Variants in VWA8 observed in about 807,000 individuals in gnomAD.
The protein encoded by VWA8 is von Willebrand factor A domain-containing protein 8.
In VWA8, 221 loss-of-function variants were observed where a neutral mutation model predicts 241.5. The ratio of observed to expected loss-of-function variants is 0.91; its 90% CI spans 0.82 to 1.02. The LOEUF (loss-of-function observed/expected upper bound fraction) is 1.02. VWA8 is among the 50% of genes least tolerant of loss of function. The probability of loss-of-function intolerance (pLI) is 0.00; values close to 1 mark genes in which losing one functional copy is unlikely to be tolerated. For missense variants in VWA8, 2,322 were observed against 2,328.7 expected, an observed-to-expected ratio of 1.00 and a Z score of 0.06; for synonymous variants, 852 against 827.1, an observed-to-expected ratio of 1.03 and a Z score of -0.52.
intron 26 of VWA8, among the ~76,000 whole-genome samples, chr13:41,717,075 T>C (rs1171361417): frequency 6.6e-6 from 1 of 151,872 alleles, no homozygotes; most frequent in Non-Finnish European, 1.5e-5. Flanking sequence ...TATATTAAAA[T>C]TCAAAGGATG....
intron 17 of VWA8, among the ~76,000 whole-genome samples, chr13:41,794,092 T>C (rs933629479): frequency 6.6e-6 from 1 of 152,112 alleles, no homozygotes; most frequent in Non-Finnish European, 1.5e-5. Flanking sequence ...CAGCTTTTTT[T>C]TTTCTTAAGA....
At chr13:41,788,966 G>A (rs929485624) in intron 17 of VWA8, among the ~76,000 whole-genome samples, 2 of 152,146 alleles carry the variant, frequency 1.3e-5, no homozygotes, top group African/African-American at 2.4e-5. Context: ...AATATGGCAC[G>A]GATGCCTTCC....
intron 28 of VWA8, among the ~76,000 whole-genome samples, chr13:41,700,873 T>G (rs1245434477): frequency 6.6e-6 from 1 of 152,220 alleles, no homozygotes; most frequent in African/African-American, 2.4e-5. Flanking sequence ...CCTTAGTAAC[T>G]GACAGCAGTT....
intron 41 of VWA8, among the ~76,000 whole-genome samples, chr13:41,590,229 C>G (rs189149557): frequency 7.6e-4 from 116 of 152,250 alleles, no homozygotes; most frequent in Admixed American, 1.2e-3. Flanking sequence ...GGCCACCACT[C>G]CATCAACCAC....
At position 41,567,446 on chromosome 13, in the gene VWA8, TAGA is replaced by T. The variant is rs2044268529; in HGVS notation, c.*748_*750del. On this transcript the variant is annotated 3_prime_UTR_variant, in exon 45 of 45. Coordinates refer to ENST00000379310, the MANE Select transcript of VWA8 (RefSeq NM_015058.2). Reference sequence around the variant, plus strand: ...GTACTGTGAATTTTTTGAGAGATGCTAGAAGAACAGAAGAAACAGTAAACTTTT... The same window carrying T: ...GTACTGTGAATTTTTTGAGAGATGCTAGAACAGAAGAAACAGTAAACTTTT... 6.6e-6 allele frequency: 1 copy of T among 152,194 alleles called. No individual in the cohort carries two copies. Among genetic ancestry groups the T allele is most frequent in the African/African-American group, 2.4e-5 (1 of 41,442 alleles). The allele number at this position is 152,194 out of a possible 1,614,324, so 9.4% of individuals were successfully genotyped here. A position where few individuals can be genotyped will look rare whatever the true frequency, so the allele number is the denominator to read the frequency against.
At chr13:41,634,723 C>T (rs867800605) in intron 37 of VWA8, among the ~76,000 whole-genome samples, 29 of 150,086 alleles carry the variant, frequency 1.9e-4, no homozygotes, top group African/African-American at 7.1e-4. Flanking sequence ...AAAAAACAGA[C>T]TAAATTATTT....
rs753050136 is a variant in VWA8 at position 41,887,344 on chromosome 13, C to A, written c.669G>T (p.Glu223Asp). 1.2e-6 allele frequency: 2 copies of A among 1,612,236 alleles called. No homozygotes were observed. Among genetic ancestry groups the A allele is most frequent in the African/African-American group, 2.7e-5 (2 of 74,690 alleles). ...DKLLRDHTKK[E>D]LDSWKIVRVS... is the part of the protein sequence containing the mutation. Reference sequence around the variant, plus strand: ...CTCGGACAATTTTCCAAGAATCCAACTCTTTTTTGGTATGATCCTATAAAA... The same window carrying A: ...CTCGGACAATTTTCCAAGAATCCAAATCTTTTTTGGTATGATCCTATAAAA... The change falls in exon 6 of 45, where the codon GAG becomes GAT. Residue 223 changes from glutamate (E) to aspartate (D), a missense_variant. Transcript: ENST00000379310.
At chr13:41,879,229 G>T (rs898946931) in intron 9 of VWA8, among the ~76,000 whole-genome samples, 19 of 152,128 alleles carry the variant, frequency 1.2e-4, no homozygotes, top group African/African-American at 4.3e-4. Context: ...GAACTATATT[G>T]TCAGAAGATG....
At chr13:41,791,053 ATGTT>A (rs1869436112) in intron 17 of VWA8, among the ~76,000 whole-genome samples, 1 of 151,926 alleles carries the variant, frequency 6.6e-6, no homozygotes, top group Non-Finnish European at 1.5e-5. Context: ...AGTTATATCA[ATGTT>A]TGTTTTAAAA....
rs762166688 is a variant in VWA8, at chr13:41,615,050, C to A, written c.4646G>T (p.Ser1549Ile). The A allele has an allele frequency of 5.0e-6, 8 of 1,613,840 alleles. No individual in the cohort carries two copies. In the South Asian group the frequency reaches 8.8e-5, roughly 18 times the overall value. Reference protein sequence around the residue: ...TINRDSGEDVSSPKHGKEDPD... With the variant: ...TINRDSGEDVISPKHGKEDPD... ...GTCCTCCTTCCCGTGTTTGGGGGAG[C>A]TTACATCTTCACCACTGTCTCTGTT... Residue 1549 changes from serine (S) to isoleucine (I), a missense_variant, in exon 38 of 45, where the codon AGC becomes ATC. Ser to Ile is a moderately radical substitution (Grantham distance 142). Transcript: ENST00000379310.
intron 37 of VWA8, among the ~76,000 whole-genome samples, chr13:41,626,869 C>A (rs1416763106): frequency 1.3e-5 from 2 of 152,130 alleles, no homozygotes; most frequent in Admixed American, 1.3e-4. Flanking sequence ...GCAAAGATTT[C>A]ATGACAAGGA....
At chr13:41,681,958 G>C (rs551178719) in intron 35 of VWA8, among the ~76,000 whole-genome samples, 1 of 152,116 alleles carries the variant, frequency 6.6e-6, no homozygotes, top group African/African-American at 2.4e-5. Context: ...GACAAACCAC[G>C]CTGCATCTTT....
At chr13:41,764,537 T>C (rs1199136775) in intron 20 of VWA8, among the ~76,000 whole-genome samples, 1 of 152,128 alleles carries the variant, frequency 6.6e-6, no homozygotes, top group Non-Finnish European at 1.5e-5. Context: ...TCCAAGATGC[T>C]TGAAGATTTA....
intron 2 of VWA8, among the ~76,000 whole-genome samples, chr13:41,918,071 G>A (rs1006783660): frequency 7.2e-5 from 11 of 152,066 alleles, no homozygotes; most frequent in South Asian, 2.1e-4. Context: ...TTTACAACAC[G>A]AACTAACTGA....
intron 37 of VWA8, among the ~76,000 whole-genome samples, chr13:41,629,161 C>T (rs560596552): frequency 2.0e-5 from 3 of 152,222 alleles, no homozygotes; most frequent in African/African-American, 7.2e-5. Context: ...TATGCAATCC[C>T]ATTCACAATA....
intron 35 of VWA8, among the ~76,000 whole-genome samples, chr13:41,682,910 A>C (rs566034285): frequency 4.6e-5 from 7 of 152,308 alleles, no homozygotes; most frequent in Admixed American, 1.3e-4. Flanking sequence ...TTAAAATCAT[A>C]ATGAGAAATC....
At chr13:41,571,944 G>GCCC (rs879237993) in intron 43 of VWA8, among the ~76,000 whole-genome samples, 4 of 151,988 alleles carry the variant, frequency 2.6e-5, no homozygotes, top group Non-Finnish European at 5.9e-5. Context: ...GATGTGAGGA[G>GCCC]CCCCTCTGAC....
chr13:41,654,276 A>T (rs1348921563), intron 37 of VWA8, among the ~76,000 whole-genome samples: 1 of 152,194 alleles, frequency 6.6e-6, no homozygotes, highest in African/African-American at 2.4e-5. Flanking sequence ...TGCCCACAAA[A>T]CACATTATAA....
chr13:41,594,974 A>G lies in VWA8; in HGVS notation c.4987-4209T>C, dbSNP rs982488106. 4.6e-5 allele frequency among the ~76,000 whole-genome samples: 7 copies of G among 152,220 alleles called. No individual in the cohort carries two copies. The South Asian group carries it at 6.2e-4, about 14-fold the overall frequency. On this transcript the variant is annotated intron_variant, in intron 40 of 44. Coordinates refer to ENST00000379310, the MANE Select transcript of VWA8 (RefSeq NM_015058.2). ...CCTAGAGGACTGCATGTCCCAGGCC[A>G]TGCAATTAAAGAGGGAGAAACCGCT...
Sources: gnomAD v4.1 joint callset for allele counts (sites outside exome capture counted in the v4.1 genomes callset) on GRCh38, gnomAD v4.1.1 for gene constraint, MANE v1.5 for transcripts, NCBI Gene and HGNC (gene_info 2026-07-23, HGNC 2026-07-21) for gene names.